The following OPTN variants were observed in gnomAD, a reference collection of about 807,000 sequenced individuals.
OPTN encodes E3-14.7K-interacting protein.
A neutral mutation model predicts 70.4 loss-of-function variants in OPTN; 54 were observed. That is an observed-to-expected ratio of 0.77 (90% CI 0.62 to 0.96). The LOEUF (loss-of-function observed/expected upper bound fraction) is 0.96. OPTN is among the 40% of genes least tolerant of loss of function. The pLI is 0.00. For synonymous variants in OPTN, 256 were observed against 248.5 expected (o/e 1.03, Z -0.28); for missense variants, 624 against 673.2 (o/e 0.93, Z 0.81).
intron 14 of OPTN, 31 bp from the exon 15 acceptor site, chr10:13,136,714 G>C: frequency 1.9e-6 from 3 of 1,613,614 alleles, no homozygotes; most frequent in Non-Finnish European, 2.5e-6. Context: ...CTGCAAAATG[G>C]AACTAATGGA....
intron 6 of OPTN, among the ~76,000 whole-genome samples, 159 bp from the exon 7 acceptor site, chr10:13,118,729 G>C (rs1262318514): frequency 6.6e-6 from 1 of 152,220 alleles, no homozygotes; most frequent in Non-Finnish European, 1.5e-5. Flanking sequence ...TTGGCACTGG[G>C]GGTCCCAGGA....
intron 9 of OPTN, among the ~76,000 whole-genome samples, chr10:13,124,858 G>C (rs1358144579): frequency 6.6e-6 from 1 of 152,204 alleles, no homozygotes; most frequent in East Asian, 1.9e-4. Context: ...TGTAAATTGT[G>C]TGTTGTAATT....
intron 6 of OPTN, chr10:13,116,673 G>A (rs1290677768): frequency 1.3e-5 from 5 of 381,622 alleles, no homozygotes; most frequent in South Asian, 4.8e-5. Flanking sequence ...TTGGTTCCCC[G>A]GTGCCATTTG....
rs115734023 is a variant in OPTN, at chr10:13,127,950, G to T, written c.1401+47G>T. The T allele has an allele frequency of 1.5e-3, 2,415 of 1,595,420 alleles. 24 individuals are homozygous for T. The African/African-American group carries it at 0.028, about 19-fold the overall frequency. On this transcript the variant is annotated intron_variant, in intron 12 of 14. Coordinates refer to ENST00000378747, the MANE Select transcript of OPTN (RefSeq NM_001008212.2). The stretch of plus-strand genomic sequence containing the variant: ...CAGCTGAGCGAGGCCAGCCCTGACT[G>T]TATTCTCGCATTGGAAAGCAATGGT...
Position 13,127,766 on chromosome 10 carries a change from G to T in OPTN, c.1264G>T (p.Val422Leu). Residue 422 changes from valine (V) to leucine (L), a missense_variant, in exon 12 of 15, where the codon GTG becomes TTG. Coordinates refer to ENST00000378747, the MANE Select transcript of OPTN (RefSeq NM_001008212.2). ...TCAGTCAGAAAAAGTGGACAGGGCAGTGCTGAAGGAACTGAGTGAAAAACT... is the reference window on the plus strand; with the variant it reads ...TCAGTCAGAAAAAGTGGACAGGGCATTGCTGAAGGAACTGAGTGAAAAACT... ...RKESEKVDRA[V>L]LKELSEKLEL... is the part of the protein sequence containing the mutation. 1 of 1,614,180 alleles carries T rather than the reference G, an allele frequency of 6.2e-7. No homozygotes were observed.
intron 12 of OPTN, 55 bp downstream of exon 12, chr10:13,127,958 G>T: frequency 6.4e-7 from 1 of 1,555,636 alleles, no homozygotes; most frequent in Non-Finnish European, 8.9e-7. Flanking sequence ...CTGTATTCTC[G>T]CATTGGAAAG....
chr10:13,116,672 C>G, intron 6 of OPTN: 1 of 381,642 alleles, frequency 2.6e-6, no homozygotes, highest in South Asian at 2.4e-5. Flanking sequence ...ATTGGTTCCC[C>G]GGTGCCATTT....
intron 3 of OPTN, chr10:13,109,784 A>G: frequency 6.0e-6 from 1 of 167,898 alleles, no homozygotes; most frequent in Admixed American, 6.1e-5. Context: ...GCAGTGAGCC[A>G]TGATCGTGCC....
At chr10:13,129,498 G>A (rs955484781) in intron 12 of OPTN, among the ~76,000 whole-genome samples, 1 of 151,936 alleles carries the variant, frequency 6.6e-6, no homozygotes, top group Non-Finnish European at 1.5e-5. Flanking sequence ...GACTACAGGC[G>A]CACACCACCA....
chr10:13,111,063 A>C lies in OPTN; in HGVS notation c.369+587A>C, dbSNP rs138535325. 1.7e-3 allele frequency among the ~76,000 whole-genome samples: 265 copies of C among 152,318 alleles called. 3 individuals are homozygous for C. Among genetic ancestry groups the C allele is most frequent in the African/African-American group, 5.7e-3 (235 of 41,562 alleles). On this transcript the variant is annotated intron_variant, in intron 4 of 14. Transcript: ENST00000378747. ...GGAGTGGATGTCAAAGATGATAGTA[A>C]TGACACAACCCAGAACAAGTTTGAA...
At chr10:13,123,483 C>T (rs1833396802) in intron 8 of OPTN, among the ~76,000 whole-genome samples, 1 of 152,168 alleles carries the variant, frequency 6.6e-6, no homozygotes, top group African/African-American at 2.4e-5. Context: ...TAATAGTTCC[C>T]TGTTGACTAA....
At chr10:13,127,946 G>T in intron 12 of OPTN, 43 bp downstream of exon 12, 1 of 1,604,942 alleles carries the variant, frequency 6.2e-7, no homozygotes, top group South Asian at 1.1e-5. Context: ...GGCCAGCCCT[G>T]ACTGTATTCT....
chr10:13,131,485 T>C (rs1430448547), intron 12 of OPTN: 1 of 154,216 alleles, frequency 6.5e-6, no homozygotes, highest in Admixed American at 6.4e-5. Context: ...CAAATGCTGA[T>C]TTGGCCACTT....
rs543336383 is a variant in OPTN, at chr10:13,134,363, T to C, written c.1612+782T>C. ...GAACTTCCAAAGTACTTTATTCCTCTATGTTGGTACCTGTCTGCTATTTTA... is the reference window on the plus strand; with the variant it reads ...GAACTTCCAAAGTACTTTATTCCTCCATGTTGGTACCTGTCTGCTATTTTA... On this transcript the variant is annotated intron_variant, in intron 14 of 14. Transcript: ENST00000378747. Among the ~76,000 whole-genome samples, 57 of 152,332 alleles carry C rather than the reference T, an allele frequency of 3.7e-4. No individual in the cohort carries two copies. The South Asian group carries it at 0.011, about 30-fold the overall frequency.
rs1491220675 is a variant in OPTN at position 13,114,821 on chromosome 10, A to ACG, written c.553-1446_553-1445insCG. ...ATATATACATATATATAATTATATA[A>ACG]TTATATAATTATATAATTATATAAT... On this transcript the variant is annotated intron_variant, in intron 5 of 14. Coordinates refer to ENST00000378747, the MANE Select transcript of OPTN (RefSeq NM_001008212.2). Among the ~76,000 whole-genome samples, 17 of 107,128 alleles carry ACG rather than the reference A, an allele frequency of 1.6e-4. 2 individuals carry two copies. The highest frequency in any genetic ancestry group is 5.4e-4 in the African/African-American group (15 of 27,828). The allele number at this position is 107,128 out of a possible 152,430, so 70.3% of individuals were successfully genotyped here.
chr10:13,133,699 GCAC>G, intron 14 of OPTN, 118 bp downstream of exon 14: 1 of 841,168 alleles, frequency 1.2e-6, no homozygotes, highest in East Asian at 2.7e-5. Context: ...CAAAAATATA[GCAC>G]CCGTCAGTCT....
In OPTN at chr10:13,125,570, G is replaced by A. The variant is rs528462162; in HGVS notation, c.1148+3G>A. 6.2e-6 allele frequency: 10 copies of A among 1,614,146 alleles called. No homozygotes were observed. The Admixed American group carries it at 1.0e-4, about 16-fold the overall frequency. ...CAGGCTAAAACAGAGGATGAAAAGTGAGTATGTTGAGTCAGAAGGGCAGCG... is the reference window on the plus strand; with the variant it reads ...CAGGCTAAAACAGAGGATGAAAAGTAAGTATGTTGAGTCAGAAGGGCAGCG... On this transcript the variant is annotated splice_donor_region_variant and intron_variant, in intron 10 of 14. Transcript: ENST00000378747.
At chr10:13,115,211 A>ATATATATATTTATAAATATATCTATATT (rs1554769089) in intron 5 of OPTN, among the ~76,000 whole-genome samples, 1 of 28,836 alleles carries the variant, frequency 3.5e-5, no homozygotes, top group Non-Finnish European at 5.3e-5. Context: ...ATCTATATTT[A>ATATATATATTTATAAATATATCTATATT]TATATATATT....
chr10:13,133,418 C>A, intron 13 of OPTN, 84 bp from the exon 14 acceptor site: 1 of 1,216,552 alleles, frequency 8.2e-7, no homozygotes, highest in Non-Finnish European at 1.2e-6. Context: ...CTTTTTTCCC[C>A]TACTTCTGTG....
Sources: allele counts gnomAD v4.1 joint callset (sites outside exome capture counted in the v4.1 genomes callset), GRCh38; gene constraint gnomAD v4.1.1; transcripts MANE v1.5; gene names NCBI Gene and HGNC (gene_info 2026-07-23, HGNC 2026-07-21).